MLLT6: variants seen among roughly 807,000 people sequenced by gnomAD.
MLLT6 encodes MLLT6, PHD finger containing.
In MLLT6, 22 loss-of-function variants were observed where a neutral mutation model predicts 103.0. The ratio of observed to expected loss-of-function variants is 0.21; its 90% CI spans 0.15 to 0.31. The LOEUF (loss-of-function observed/expected upper bound fraction) is 0.31. MLLT6 is among the 10% of genes least tolerant of loss of function. The pLI is 1.00. For missense variants in MLLT6, 1,199 were observed against 1,441.7 expected (o/e 0.83, Z 2.73); for synonymous variants, 606 against 623.5 (o/e 0.97, Z 0.42).
At chr17:38,715,212 TG>T in intron 8 of MLLT6, 1 of 170,440 alleles carries the variant, frequency 5.9e-6, no homozygotes, top group South Asian at 1.6e-4. Flanking sequence ...CATTCTCCTG[TG>T]GGTCCTCTTC....
At position 38,720,113 on chromosome 17, in the gene MLLT6, G is replaced by A. The variant is rs966728950; in HGVS notation, c.2155+218G>A. ...TTGGCCTTCGTGGCCTCCGGGCCCC[G>A]ACCTTACCAAACCGCAACTTCCGCC... On this transcript the variant is annotated intron_variant, in intron 14 of 19. Coordinates refer to ENST00000621332, the MANE Select transcript of MLLT6 (RefSeq NM_005937.4). The A allele has an allele frequency of 2.3e-3, 1,691 of 748,400 alleles. 19 individuals are homozygous for A. Among genetic ancestry groups the A allele is most frequent in the Non-Finnish European group, 1.6e-3 (751 of 472,854 alleles). 46.4% of individuals were successfully genotyped at this position (748,400 alleles called of 1,614,324 possible).
intron 4 of MLLT6, among the ~76,000 whole-genome samples, chr17:38,708,827 G>A (rs1055698881): frequency 2.6e-5 from 4 of 152,182 alleles, no homozygotes; most frequent in Admixed American, 2.0e-4. Context: ...CCCAGGAGGC[G>A]GAGGAGGTTG....
intron 13 of MLLT6, 81 bp downstream of exon 13, chr17:38,719,664 G>A (rs1274498329): frequency 1.3e-6 from 2 of 1,569,088 alleles, no homozygotes; most frequent in African/African-American, 1.3e-5. Flanking sequence ...ACCGGCGTGG[G>A]CTGGAACCCC....
intron 8 of MLLT6, chr17:38,713,318 C>A (rs1355378248): frequency 1.0e-5 from 4 of 401,616 alleles, no homozygotes; most frequent in African/African-American, 2.0e-5. Flanking sequence ...GTATGTCAGG[C>A]CTGTCTCCAG....
In MLLT6 at chr17:38,716,632, G is replaced by A. The variant is rs745908007; in HGVS notation, c.1302G>A (p.Gly434=). The change falls in exon 10 of 20, where the codon GGG becomes GGA. Residue 434 remains glycine, a synonymous_variant. Transcript: ENST00000621332. The surrounding 1 kb of genome is among the most constrained non-coding windows in gnomAD (Gnocchi z 5.6). The part of the protein sequence containing the change: ...PGDYKSPHVT[G]SGASAGTHKR... ...ACTATAAGTCTCCCCACGTCACGGG[G>A]TCTGGGGCCTCGGCAGGCACCCACA... 1.2e-6 allele frequency: 2 copies of A among 1,613,894 alleles called. No homozygotes were observed. Among genetic ancestry groups the A allele is most frequent in the South Asian group, 2.2e-5 (2 of 91,086 alleles).
At chr17:38,720,609 C>T in intron 15 of MLLT6, 40 bp downstream of exon 15, 1 of 1,613,028 alleles carries the variant, frequency 6.2e-7, no homozygotes, top group Non-Finnish European at 8.5e-7. Context: ...AGGCCCGTGC[C>T]CTGAAGTCCG....
chr17:38,719,687 G>GA (rs1375178353), intron 13 of MLLT6, 63 bp from the exon 14 acceptor site: 2 of 1,579,048 alleles, frequency 1.3e-6, no homozygotes, highest in African/African-American at 2.7e-5. Context: ...GGGGATACGG[G>GA]AGAAGGGCCA....
intron 16 of MLLT6, among the ~76,000 whole-genome samples, chr17:38,721,672 G>A (rs1294772074): frequency 2.0e-5 from 3 of 152,212 alleles, no homozygotes; most frequent in Admixed American, 1.3e-4. Flanking sequence ...GATGAGGGGC[G>A]CTGGACTCCC....
rs141685177 is a variant in MLLT6, at chr17:38,717,482, C to T, written c.1702C>T (p.Arg568Trp). The change falls in exon 11 of 20, where the codon CGG becomes TGG. Residue 568 changes from arginine (R) to tryptophan (W), a missense_variant. By Grantham distance (101) the Arg-to-Trp change is moderately radical. This residue lies in a region of MLLT6 where 1,034 missense variants were observed against 1,091.5 expected (regional missense o/e 0.95). Transcript: ENST00000621332. ...CATCTCCCACAGTGGCGGGATGCTG[C>T]GGGCTGTCTGCAGCACCCCTCTCTC... ...DPISHSGGML[R>W]AVCSTPLSSS... 8 of 1,612,024 alleles carry T rather than the reference C, an allele frequency of 5.0e-6. No individual in the cohort carries two copies. Among genetic ancestry groups the T allele is most frequent in the African/African-American group, 1.3e-5 (1 of 74,986 alleles).
At position 38,727,700 on chromosome 17, in the gene MLLT6, C is replaced by T. The variant is rs1139109; in HGVS notation, c.*2102C>T. ...ATCCCAGCTACTTGGGAGGCTGAGG[C>T]ACGAGAATTGCTTGAACCCAGGAGG... On this transcript the variant is annotated 3_prime_UTR_variant, in exon 20 of 20. Coordinates refer to ENST00000621332, the MANE Select transcript of MLLT6 (RefSeq NM_005937.4). 0.2 allele frequency: 39,376 copies of T among 198,620 alleles called. 5,450 individuals carry two copies. Among genetic ancestry groups the T allele is most frequent in the African/African-American group, 0.42 (18,016 of 43,372 alleles). 12.3% of individuals were successfully genotyped at this position (198,620 alleles called of 1,614,324 possible). A position where few individuals can be genotyped will look rare whatever the true frequency, so the allele number is the denominator to read the frequency against.
rs1157605305 is a variant in MLLT6 at position 38,722,733 on chromosome 17, C to A, written c.2848C>A (p.Leu950Ile). 6.2e-7 allele frequency: 1 copy of A among 1,606,828 alleles called. No individual in the cohort carries two copies. Among genetic ancestry groups the A allele is most frequent in the South Asian group, 1.1e-5 (1 of 90,956 alleles). Residue 950 changes from leucine to isoleucine, a missense_variant, in exon 18 of 20, where the codon CTC (leucine) becomes ATC (isoleucine). Transcript: ENST00000621332. Reference protein sequence around the residue: ...LQQQEQQLQQLQQLLASPQLT... With the variant: ...LQQQEQQLQQIQQLLASPQLT... ...GCAGCAAGAGCAGCAGCTCCAGCAA[C>A]TCCAGCAGCTCCTGGCCTCCCCGCA... is the stretch of plus-strand genomic sequence containing the variant.
rs548385443 is a variant in MLLT6 at position 38,709,736 on chromosome 17, G to A, written c.552+161G>A. Among the ~76,000 whole-genome samples, 2 of 152,378 alleles carry A rather than the reference G, an allele frequency of 1.3e-5. No individual in the cohort carries two copies. Among genetic ancestry groups the A allele is most frequent in the Non-Finnish European group, 2.9e-5 (2 of 68,038 alleles). On this transcript the variant is annotated intron_variant, in intron 6 of 19. Coordinates refer to ENST00000621332, the MANE Select transcript of MLLT6 (RefSeq NM_005937.4). The surrounding 1 kb of genome is among the most constrained non-coding windows in gnomAD (Gnocchi z 4.3). ...AGCTCTTCATTCGATGAGGAATAAAGTACAGCTTCAGGTGTGTGGATCAGA... is the reference window on the plus strand; with the variant it reads ...AGCTCTTCATTCGATGAGGAATAAAATACAGCTTCAGGTGTGTGGATCAGA...
At chr17:38,721,822 G>A (rs1449012640) in intron 16 of MLLT6, 56 bp from the exon 17 acceptor site, 1 of 1,258,082 alleles carries the variant, frequency 7.9e-7, no homozygotes, top group Admixed American at 2.2e-5. Flanking sequence ...TGCTGGGCCA[G>A]GGGCCAGAAA....
chr17:38,706,180 G>C (rs1396993949), intron 1 of MLLT6: 3 of 152,384 alleles, frequency 2.0e-5, no homozygotes, highest in Non-Finnish European at 4.4e-5. Flanking sequence ...GGAAGAGAAG[G>C]GTCCCAGGGG....
At position 38,716,852 on chromosome 17, in the gene MLLT6, G is replaced by A. The variant is rs758302699; in HGVS notation, c.1522G>A (p.Ala508Thr). 1.8e-5 allele frequency: 29 copies of A among 1,613,202 alleles called. No homozygotes were observed. Among genetic ancestry groups the A allele is most frequent in the East Asian group, 4.5e-5 (2 of 44,870 alleles). ...LPSAQLAGFTATAASPFSGGS... is the reference protein window; with the variant it reads ...LPSAQLAGFTTTAASPFSGGS... ...CAGTGCCCAGCTGGCTGGCTTTACC[G>A]CCACTGCTGCCTCACCCTTCTCTGG... Residue 508 changes from alanine to threonine, a missense_variant, in exon 10 of 20, where the codon GCC (alanine) becomes ACC (threonine). Physicochemically the swap from Ala to Thr is moderately conservative, Grantham distance 58. Coordinates refer to ENST00000621332, the MANE Select transcript of MLLT6 (RefSeq NM_005937.4). This position sits in a 1 kb window ranked among gnomAD's most constrained non-coding sequence, Gnocchi z 5.6.
Position 38,721,962 on chromosome 17 carries a change from A to C in MLLT6, c.2527A>C (p.Ser843Arg). 6.6e-7 allele frequency: 1 copy of C among 1,514,662 alleles called. No individual in the cohort carries two copies. The highest frequency in any genetic ancestry group is 8.8e-7 in the Non-Finnish European group (1 of 1,135,478). 93.8% of individuals were successfully genotyped at this position (1,514,662 alleles called of 1,614,324 possible). Residue 843 changes from serine (S) to arginine (R), a missense_variant, in exon 17 of 20, where the codon AGC (serine) becomes CGC (arginine). Ser to Arg is a moderately radical substitution (Grantham distance 110). Coordinates refer to ENST00000621332, the MANE Select transcript of MLLT6 (RefSeq NM_005937.4). Reference sequence around the variant, plus strand: ...CCCACCGCTGCCCCTCCTCCAGCAGAGCCCTGCCACTCTGCCCCTGGCCCT... The same window carrying C: ...CCCACCGCTGCCCCTCCTCCAGCAGCGCCCTGCCACTCTGCCCCTGGCCCT... ...TPPPLPLLQQSPATLPLALPG... is the reference protein window; with the variant it reads ...TPPPLPLLQQRPATLPLALPG...
chr17:38,720,734 C>T lies in MLLT6; in HGVS notation c.2429C>T (p.Ser810Phe), dbSNP rs997256025. 6.2e-7 allele frequency: 1 copy of T among 1,613,810 alleles called. No homozygotes were observed. The highest frequency in any genetic ancestry group is 8.5e-7 in the Non-Finnish European group (1 of 1,180,008). ...AGCCTCGGCCTGGACAACTCGCTGT[C>T]CACTTCTTCTGAGGTGGGCGCTACG... is the stretch of plus-strand genomic sequence containing the variant. Reference protein sequence around the residue: ...KSSLGLDNSLSTSSEDPHSGC... With the variant: ...KSSLGLDNSLFTSSEDPHSGC... The change falls in exon 16 of 20, where the codon TCC becomes TTC. Residue 810 changes from serine to phenylalanine, a missense_variant. Physicochemically the swap from Ser to Phe is radical, Grantham distance 155. Coordinates refer to ENST00000621332, the MANE Select transcript of MLLT6 (RefSeq NM_005937.4).
chr17:38,728,378 CTT>C lies in MLLT6; in HGVS notation c.*2782_*2783del, dbSNP rs538131316. 3 of 233,134 alleles carry C rather than the reference CTT, an allele frequency of 1.3e-5. No individual in the cohort carries two copies. Among genetic ancestry groups the C allele is most frequent in the African/African-American group, 2.2e-5 (1 of 45,294 alleles). 14.4% of individuals were successfully genotyped at this position (233,134 alleles called of 1,614,324 possible). ...GGAAGGGACCCAGATTTGTAGATCT[CTT>C]TGTCTGGGGGAGGGGAAGGATGTGG... On this transcript the variant is annotated 3_prime_UTR_variant, in exon 20 of 20. Transcript: ENST00000621332.
chr17:38,717,834 C>A lies in MLLT6; in HGVS notation c.1834-11C>A. On this transcript the variant is annotated splice_polypyrimidine_tract_variant and intron_variant, in intron 11 of 19. Transcript: ENST00000621332. ...GAATAACCGCCAGGGGATTCTACCT[C>A]CCTCCCTTAGGTGTTTTCTCTGGCT... 1 of 1,597,848 alleles carries A rather than the reference C, an allele frequency of 6.3e-7. No individual in the cohort carries two copies. The highest frequency in any genetic ancestry group is 8.6e-7 in the Non-Finnish European group (1 of 1,165,444).
Sources: gnomAD v4.1 joint callset for allele counts (sites outside exome capture counted in the v4.1 genomes callset) on GRCh38, gnomAD v4.1.1 for gene constraint, gnomAD v4.1.1 regional missense constraint, Gnocchi (gnomAD v3.1) non-coding constraint, MANE v1.5 for transcripts, NCBI Gene and HGNC (gene_info 2026-07-23, HGNC 2026-07-21) for gene names.